MAF: variants seen among roughly 807,000 people sequenced by gnomAD.
MAF encodes the protein MAF bZIP transcription factor.
MAF carries 10 observed loss-of-function variants against 22.0 expected under a neutral mutation model. The observed-to-expected ratio is 0.45, with a 90% CI of 0.28 to 0.77. The LOEUF (loss-of-function observed/expected upper bound fraction) is 0.77, where lower values mean the gene tolerates loss of function less well. MAF is among the 30% of genes least tolerant of loss of function. MAF has a pLI of 0.12. For synonymous variants in MAF, 337 were observed against 255.8 expected (o/e 1.32, Z -3.03); for missense variants, 544 against 548.4 (o/e 0.99, Z 0.08).
chr16:79,337,852 C>T, the MAF span, among the ~76,000 whole-genome samples: 1 of 152,172 alleles, frequency 6.6e-6, no homozygotes, highest in South Asian at 2.1e-4. Context: ...CTGTAAGTTC[C>T]AAGTAAATGG....
the MAF span, among the ~76,000 whole-genome samples, chr16:79,579,997 T>C: frequency 2.0e-5 from 3 of 152,140 alleles, no homozygotes; most frequent in Non-Finnish European, 2.9e-5. Context: ...TTATTACTAA[T>C]ATTACCCCTC....
the MAF span, among the ~76,000 whole-genome samples, chr16:79,246,806 GA>G: frequency 6.6e-6 from 1 of 151,766 alleles, no homozygotes; most frequent in South Asian, 2.1e-4. Flanking sequence ...ACTCCAGTTG[GA>G]AATTGTTTGT....
the MAF span, among the ~76,000 whole-genome samples, chr16:79,325,735 C>T: frequency 1.3e-5 from 2 of 152,124 alleles, no homozygotes; most frequent in African/African-American, 4.8e-5. Context: ...AGTGAGAAGG[C>T]AGGAAGGCAG....
At chr16:79,426,815 G>T in the MAF span, among the ~76,000 whole-genome samples, 1 of 152,228 alleles carries the variant, frequency 6.6e-6, no homozygotes, top group Non-Finnish European at 1.5e-5. Context: ...TAGCAGGAAG[G>T]CTGGCGTGAG....
chr16:79,591,217 G>C (rs1913172363), downstream of MAF, among the ~76,000 whole-genome samples: 1 of 152,178 alleles, frequency 6.6e-6, no homozygotes, highest in Non-Finnish European at 1.5e-5. Flanking sequence ...ATTTAGAATA[G>C]AGAAATTCAG....
chr16:79,462,480 A>T, the MAF span, among the ~76,000 whole-genome samples: 5 of 152,006 alleles, frequency 3.3e-5, no homozygotes, highest in African/African-American at 1.2e-4. Flanking sequence ...ACCCCACCTA[A>T]CAATTCCCTC....
At chr16:79,443,261 T>C in the MAF span, among the ~76,000 whole-genome samples, 1 of 152,178 alleles carries the variant, frequency 6.6e-6, no homozygotes, top group Admixed American at 6.5e-5. Context: ...TCAACTTCAG[T>C]GATGGTGGAC....
At chr16:79,210,620 A>G in the MAF span, among the ~76,000 whole-genome samples, 1 of 152,182 alleles carries the variant, frequency 6.6e-6, no homozygotes, top group African/African-American at 2.4e-5. Context: ...TCTGAAACAC[A>G]TAAATAATCA....
At chr16:79,432,229 C>A in the MAF span, among the ~76,000 whole-genome samples, 2 of 152,154 alleles carry the variant, frequency 1.3e-5, no homozygotes, top group African/African-American at 4.8e-5. Flanking sequence ...TCTCTCCTGC[C>A]GCCCTGTGAA....
chr16:79,269,678 C>A, the MAF span, among the ~76,000 whole-genome samples: 1 of 152,174 alleles, frequency 6.6e-6, no homozygotes, highest in Admixed American at 6.5e-5. Context: ...GGCTCATCTT[C>A]CTTCTCTGTG....
At chr16:79,330,182 G>A in the MAF span, among the ~76,000 whole-genome samples, 7 of 152,234 alleles carry the variant, frequency 4.6e-5, no homozygotes, top group East Asian at 3.9e-4. Context: ...TACACATGCC[G>A]CCTGCAATCC....
chr16:79,343,709 A>G, the MAF span, among the ~76,000 whole-genome samples: 1 of 152,100 alleles, frequency 6.6e-6, no homozygotes, highest in Non-Finnish European at 1.5e-5. Context: ...TGTCATCTGG[A>G]TTATGTCTCT....
At chr16:79,216,140 T>C in the MAF span, among the ~76,000 whole-genome samples, 2 of 151,916 alleles carry the variant, frequency 1.3e-5, no homozygotes, top group Non-Finnish European at 2.9e-5. Context: ...TATATGTATA[T>C]GTCATGCACA....
chr16:79,206,961 TGA>T, the MAF span, among the ~76,000 whole-genome samples: 218 of 152,312 alleles, frequency 1.4e-3, 3 homozygotes, highest in East Asian at 0.037. Context: ...GTGTTTCCAA[TGA>T]GAGATTGAAG....
At chr16:79,405,105 C>T in the MAF span, among the ~76,000 whole-genome samples, 1 of 152,180 alleles carries the variant, frequency 6.6e-6, no homozygotes, top group Admixed American at 6.5e-5. Flanking sequence ...ATCTCGAATA[C>T]TCCCATATGC....
chr16:79,498,610 G>T, the MAF span, among the ~76,000 whole-genome samples: 1 of 152,168 alleles, frequency 6.6e-6, no homozygotes, highest in Non-Finnish European at 1.5e-5. Flanking sequence ...TGAGATGGAG[G>T]CTATTAGTAC....
At chr16:79,463,403 C>T in the MAF span, among the ~76,000 whole-genome samples, 3,699 of 152,252 alleles carry the variant, frequency 0.024, 153 homozygotes, top group African/African-American at 0.085. Flanking sequence ...GTTTCCCTTC[C>T]AGCCCTGTTT....
chr16:79,545,581 AT>A, the MAF span, among the ~76,000 whole-genome samples: 4 of 151,994 alleles, frequency 2.6e-5, no homozygotes, highest in South Asian at 8.3e-4. Flanking sequence ...TTTACCAGAA[AT>A]TTTTGTAAGT....
chr16:79,287,286 C>T, the MAF span, among the ~76,000 whole-genome samples: 16 of 152,240 alleles, frequency 1.1e-4, no homozygotes, highest in Admixed American at 5.9e-4. Flanking sequence ...ACCTGCCACG[C>T]TCCCAGCCCA....
Sources: allele counts gnomAD v4.1 joint callset (sites outside exome capture counted in the v4.1 genomes callset), GRCh38; gene constraint gnomAD v4.1.1; transcripts MANE v1.5; gene names NCBI Gene and HGNC (gene_info 2026-07-23, HGNC 2026-07-21).